Variants in KIFAP3 observed in about 807,000 individuals in gnomAD.
The protein encoded by KIFAP3 is kinesin associated protein 3.
In KIFAP3, 68 loss-of-function variants were observed where a neutral mutation model predicts 106.5. The ratio of observed to expected loss-of-function variants is 0.64; its 90% CI spans 0.53 to 0.78. The LOEUF is 0.78. KIFAP3 is among the 30% of genes least tolerant of loss of function. The pLI is 0.00. For missense variants in KIFAP3, 780 were observed against 941.8 expected (o/e 0.83, Z 2.25); for synonymous variants, 320 against 311.5 (o/e 1.03, Z -0.29).
At chr1:170,008,000 C>A (rs1027391916) in intron 10 of KIFAP3, among the ~76,000 whole-genome samples, 5 of 152,026 alleles carry the variant, frequency 3.3e-5, no homozygotes, top group African/African-American at 1.2e-4. Flanking sequence ...ACAAACCTGA[C>A]AAAAACATAC....
chr1:170,030,812 G>A (rs935107675), intron 8 of KIFAP3, among the ~76,000 whole-genome samples: 1 of 151,800 alleles, frequency 6.6e-6, no homozygotes, highest in African/African-American at 2.4e-5. Flanking sequence ...GAAGGAAAGG[G>A]AGAGATTGTA....
At position 170,009,997 on chromosome 1, in the gene KIFAP3, G is replaced by A. The variant is rs540224787; in HGVS notation, c.1183+6465C>T. Among the ~76,000 whole-genome samples, 85 of 152,186 alleles carry A rather than the reference G, an allele frequency of 5.6e-4. 1 individual carries two copies. The South Asian group carries it at 0.017, about 31-fold the overall frequency. On this transcript the variant is annotated intron_variant, in intron 10 of 19. Transcript: ENST00000361580. Reference sequence around the variant, plus strand: ...TTTGCAGATAATCACATTTGCTGAAGCCAATGGCTATGATAGATCTCCCAG... The same window carrying A: ...TTTGCAGATAATCACATTTGCTGAAACCAATGGCTATGATAGATCTCCCAG...
chr1:170,063,253 A>G (rs1340623970), intron 1 of KIFAP3, among the ~76,000 whole-genome samples: 2 of 152,232 alleles, frequency 1.3e-5, no homozygotes, highest in Non-Finnish European at 2.9e-5. Flanking sequence ...CTGATAGATA[A>G]CAACACTATT....
At chr1:170,032,969 A>C (rs1669490376) in intron 7 of KIFAP3, among the ~76,000 whole-genome samples, 1 of 151,774 alleles carries the variant, frequency 6.6e-6, no homozygotes, top group African/African-American at 2.4e-5. Context: ...AACAATAACA[A>C]AATGCAAATT....
Position 169,978,178 on chromosome 1 carries a change from G to T in KIFAP3, c.1804C>A (p.Gln602Lys). 1 of 1,607,226 alleles carries T rather than the reference G, an allele frequency of 6.2e-7. No individual in the cohort carries two copies. The highest frequency in any genetic ancestry group is 8.5e-7 in the Non-Finnish European group (1 of 1,174,574). Residue 602 changes from glutamine (Q) to lysine (K), a missense_variant, in exon 16 of 20, where the codon CAA becomes AAA. By Grantham distance (53) the Gln-to-Lys change is moderately conservative (BLOSUM62 1). Coordinates refer to ENST00000361580, the MANE Select transcript of KIFAP3 (RefSeq NM_014970.4). ...TGACACACAAATTCATCATCTTCTT[G>T]TTGAGCTGTAAATAAACAAAAAATT... ...PALIELLNAQQEDDEFVCQII... is the reference protein window; with the variant it reads ...PALIELLNAQKEDDEFVCQII...
intron 10 of KIFAP3, among the ~76,000 whole-genome samples, chr1:169,999,502 T>C (rs1189279573): frequency 6.6e-6 from 1 of 152,232 alleles, no homozygotes; most frequent in East Asian, 1.9e-4. Flanking sequence ...CTGAGTATCT[T>C]GAGAACTAGG....
At chr1:169,978,010 A>AG (rs1240229059) in intron 16 of KIFAP3, 75 bp downstream of exon 16, 1 of 1,016,092 alleles carries the variant, frequency 9.8e-7, no homozygotes, top group Non-Finnish European at 1.5e-6. Flanking sequence ...ATTTGCAAAA[A>AG]AAAAAACAAC....
chr1:170,016,416 G>T (rs749549270), intron 10 of KIFAP3, 46 bp downstream of exon 10: 4 of 1,512,472 alleles, frequency 2.6e-6, no homozygotes, highest in Non-Finnish European at 3.6e-6. Context: ...TTCCAGCGAT[G>T]TTGGAAATTC....
intron 5 of KIFAP3, among the ~76,000 whole-genome samples, chr1:170,035,956 A>G (rs1189226966): frequency 6.6e-6 from 1 of 152,034 alleles, no homozygotes; most frequent in African/African-American, 2.4e-5. Flanking sequence ...AAAAACTTGA[A>G]TAAGTCTAGA....
intron 7 of KIFAP3, among the ~76,000 whole-genome samples, chr1:170,032,624 A>G (rs1669474479): frequency 6.6e-6 from 1 of 151,720 alleles, no homozygotes; most frequent in South Asian, 2.1e-4. Flanking sequence ...TGACCCCAGA[A>G]TATGAGTCAA....
intron 8 of KIFAP3, among the ~76,000 whole-genome samples, chr1:170,026,441 A>G (rs1460496822): frequency 6.6e-6 from 1 of 152,198 alleles, no homozygotes; most frequent in African/African-American, 2.4e-5. Context: ...GATAAGAAAT[A>G]AATGAGATAG....
At chr1:169,952,961 A>C (rs942640009) in intron 19 of KIFAP3, among the ~76,000 whole-genome samples, 5 of 152,142 alleles carry the variant, frequency 3.3e-5, no homozygotes, top group African/African-American at 1.2e-4. Context: ...ACACATAGAA[A>C]ATAGCTTATC....
At chr1:169,982,614 T>C (rs1269906674) in intron 14 of KIFAP3, 88 bp downstream of exon 14, 3 of 855,270 alleles carry the variant, frequency 3.5e-6, no homozygotes, top group Non-Finnish European at 5.1e-6. Flanking sequence ...AACATAATAA[T>C]AGTCACACAA....
At chr1:170,074,358 T>C in intron 1 of KIFAP3, 78 bp downstream of exon 1, 1 of 1,531,752 alleles carries the variant, frequency 6.5e-7, no homozygotes, top group South Asian at 1.2e-5. Context: ...CGTTGCCCAG[T>C]GACATCTCAC....
chr1:169,948,353 A>G (rs1664552041), intron 19 of KIFAP3, among the ~76,000 whole-genome samples: 1 of 151,910 alleles, frequency 6.6e-6, no homozygotes, highest in African/African-American at 2.4e-5. Context: ...GAAAGGCTTC[A>G]TGAAGCATGT....
At chr1:169,976,834 C>T (rs1008047799) in intron 16 of KIFAP3, among the ~76,000 whole-genome samples, 1 of 152,090 alleles carries the variant, frequency 6.6e-6, no homozygotes, top group East Asian at 1.9e-4. Context: ...ATCACTGCTT[C>T]GGTGTCCCGA....
chr1:170,053,794 A>G (rs911552411), intron 2 of KIFAP3, among the ~76,000 whole-genome samples: 5 of 152,226 alleles, frequency 3.3e-5, no homozygotes, highest in Non-Finnish European at 7.3e-5. Flanking sequence ...AGCCATTTGT[A>G]GAAAACAGAA....
chr1:169,942,841 C>G (rs1412510610), intron 19 of KIFAP3, among the ~76,000 whole-genome samples: 1 of 151,406 alleles, frequency 6.6e-6, no homozygotes, highest in Non-Finnish European at 1.5e-5. Context: ...GTGGTTTGGA[C>G]TGGCTGAGTT....
chr1:170,058,511 G>C (rs1400611360), intron 1 of KIFAP3, among the ~76,000 whole-genome samples: 2 of 152,066 alleles, frequency 1.3e-5, no homozygotes, highest in African/African-American at 4.8e-5. Flanking sequence ...CATTTCCACA[G>C]TTTACAGCAT....
Sources: gnomAD v4.1 joint callset for allele counts (sites outside exome capture counted in the v4.1 genomes callset) on GRCh38, gnomAD v4.1.1 for gene constraint, MANE v1.5 for transcripts, NCBI Gene and HGNC (gene_info 2026-07-23, HGNC 2026-07-21) for gene names.